ABCA5: variants seen among roughly 807,000 people sequenced by gnomAD.
ABCA5 encodes the protein cholesterol transporter ABCA5.
A neutral mutation model predicts 206.0 loss-of-function variants in ABCA5; 163 were observed. The observed-to-expected ratio is 0.79, with a 90% CI of 0.70 to 0.90. The LOEUF is 0.90. ABCA5 is among the 40% of genes least tolerant of loss of function. The pLI is 0.00. For synonymous variants in ABCA5, 609 were observed against 613.8 expected, an observed-to-expected ratio of 0.99 and a Z score of 0.11; for missense variants, 1,859 against 1,912.9, an observed-to-expected ratio of 0.97 and a Z score of 0.53.
Position 69,255,647 on chromosome 17 carries a change from A to G in ABCA5, c.3977-13T>C, listed in dbSNP as rs1276111761. 6.4e-7 allele frequency: 1 copy of G among 1,574,794 alleles called. No homozygotes were observed. The highest frequency in any genetic ancestry group is 1.2e-5 in the South Asian group (1 of 83,714). ...CCTAAGATCTCTCCTAAAGGAATTG[A>G]AAGAAAAAAAAATCATAATCAAATC... On this transcript the variant is annotated splice_polypyrimidine_tract_variant and intron_variant, in intron 30 of 38. Transcript: ENST00000392676.
intron 28 of ABCA5, among the ~76,000 whole-genome samples, chr17:69,259,249 C>T (rs1401998039): frequency 6.6e-6 from 1 of 151,882 alleles, no homozygotes; most frequent in Non-Finnish European, 1.5e-5. Context: ...CATGATAAGC[C>T]CTCCAAACAT....
At chr17:69,314,470 C>T (rs963202332) in intron 1 of ABCA5, 40 bp from the exon 2 acceptor site, 41 of 1,243,884 alleles carry the variant, frequency 3.3e-5, no homozygotes, top group East Asian at 2.2e-4. Flanking sequence ...CCCGGAGCCA[C>T]GCAGTAAACT....
At chr17:69,310,236 A>G (rs1353438576) in intron 3 of ABCA5, among the ~76,000 whole-genome samples, 2 of 152,082 alleles carry the variant, frequency 1.3e-5, no homozygotes, top group African/African-American at 4.8e-5. Context: ...AGGGGTCAAG[A>G]GATCCTCCCA....
At chr17:69,318,744 T>C in intron 1 of ABCA5, 1 of 641,798 alleles carries the variant, frequency 1.6e-6, no homozygotes, top group Non-Finnish European at 2.9e-6. Context: ...TGAGCAAAGC[T>C]TACACTCCCG....
Position 69,247,427 on chromosome 17 carries a change from A to C in ABCA5, c.*110T>G. ...AATTAAGGAGCTTAGAAAAATTTCA[A>C]GTGCGTTCTTGGTTCTCCAGTTACC... On this transcript the variant is annotated 3_prime_UTR_variant, in exon 39 of 39. Coordinates refer to ENST00000392676, the MANE Select transcript of ABCA5 (RefSeq NM_172232.4). The C allele has an allele frequency of 1.5e-6, 1 of 669,386 alleles. No individual in the cohort carries two copies. The highest frequency in any genetic ancestry group is 1.8e-5 in the African/African-American group (1 of 54,064). The allele number at this position is 669,386 out of a possible 1,614,324, so 41.5% of individuals were successfully genotyped here.
chr17:69,272,204 C>T (rs572397043), intron 20 of ABCA5, among the ~76,000 whole-genome samples: 1 of 152,066 alleles, frequency 6.6e-6, no homozygotes, highest in Non-Finnish European at 1.5e-5. Context: ...CTCTAACTTG[C>T]AAGACCAGCT....
chr17:69,270,724 G>A lies in ABCA5; in HGVS notation c.2919C>T (p.Asn973=). The A allele has an allele frequency of 1.9e-6, 3 of 1,557,892 alleles. No individual in the cohort carries two copies. Among genetic ancestry groups the A allele is most frequent in the Non-Finnish European group, 2.6e-6 (3 of 1,158,022 alleles). ...EKDYVFAAVF[N]STMVYSLPIL... is the part of the protein sequence containing the mutation. ...TAGGTAAAGAATAAACCATAGTACTGTTGAAAACAGCTGCAAAAACATAGT... is the reference window on the plus strand; with the variant it reads ...TAGGTAAAGAATAAACCATAGTACTATTGAAAACAGCTGCAAAAACATAGT... Residue 973 remains asparagine, a synonymous_variant, in exon 22 of 39, where the codon AAC becomes AAT. Coordinates refer to ENST00000392676, the MANE Select transcript of ABCA5 (RefSeq NM_172232.4).
At chr17:69,305,837 C>A (rs1032955859) in intron 6 of ABCA5, among the ~76,000 whole-genome samples, 2 of 152,154 alleles carry the variant, frequency 1.3e-5, no homozygotes, top group Non-Finnish European at 2.9e-5. Flanking sequence ...TGCCACTATA[C>A]TCCAGCCTAG....
intron 37 of ABCA5, chr17:69,249,659 T>C (rs910958162): frequency 8.2e-5 from 36 of 441,184 alleles, no homozygotes; most frequent in Non-Finnish European, 1.4e-4. Context: ...AAAATCCCTA[T>C]GACATTAGTG....
intron 32 of ABCA5, 31 bp from the exon 33 acceptor site, chr17:69,253,900 C>T (rs1402839099): frequency 3.9e-6 from 6 of 1,534,594 alleles, no homozygotes; most frequent in Non-Finnish European, 4.5e-6. Flanking sequence ...AATGAGAATA[C>T]CATGATATAT....
At chr17:69,293,886 T>TTG (rs146280717) in intron 11 of ABCA5, among the ~76,000 whole-genome samples, 150 of 64,842 alleles carry the variant, frequency 2.3e-3, no homozygotes, top group Middle Eastern at 0.01. Context: ...GTGTGTGTGT[T>TTG]TGTGTGTGTG....
chr17:69,304,202 C>T (rs2075691989), intron 7 of ABCA5: 1 of 152,008 alleles, frequency 6.6e-6, no homozygotes, highest in Admixed American at 6.6e-5. Flanking sequence ...GAAGATGGAA[C>T]CACTTAAAAC....
In ABCA5 at chr17:69,247,153, G is replaced by A. The variant is rs2074960430; in HGVS notation, c.*384C>T. On this transcript the variant is annotated 3_prime_UTR_variant, in exon 39 of 39. Transcript: ENST00000392676. ...TTTTCTATGCATTAGTTATGAATTA[G>A]TTTTTTATTTAGATTGGAACATTAC... 6.5e-6 allele frequency: 1 copy of A among 153,458 alleles called. No individual in the cohort carries two copies. The highest frequency in any genetic ancestry group is 2.4e-5 in the African/African-American group (1 of 41,440). 9.5% of individuals were successfully genotyped at this position (153,458 alleles called of 1,614,324 possible).
At chr17:69,249,494 G>T in intron 37 of ABCA5, 1 of 168,980 alleles carries the variant, frequency 5.9e-6, no homozygotes, top group East Asian at 1.6e-4. Context: ...GGACCAGTAT[G>T]AAGTAAGGAT....
chr17:69,300,270 C>G (rs476677), intron 9 of ABCA5, among the ~76,000 whole-genome samples: 47,365 of 151,926 alleles, frequency 0.31, 7,954 homozygotes, highest in East Asian at 0.56. Context: ...GTTCATACTC[C>G]TATGAGAATT....
rs1463257759 is a variant in ABCA5 at position 69,247,656 on chromosome 17, G to C, written c.4822-12C>G. 4.0e-6 allele frequency: 6 copies of C among 1,493,968 alleles called. No individual in the cohort carries two copies. Among genetic ancestry groups the C allele is most frequent in the South Asian group, 1.2e-5 (1 of 86,104 alleles). 92.5% of individuals were successfully genotyped at this position (1,493,968 alleles called of 1,614,324 possible). ...AGTTCTACAAAAACCTAGGTGAAAA[G>C]AAATAAATGAATACAGTATGCTGTA... On this transcript the variant is annotated splice_polypyrimidine_tract_variant and intron_variant, in intron 38 of 38. Transcript: ENST00000392676.
At chr17:69,264,355 G>C (rs1262733364) in intron 24 of ABCA5, among the ~76,000 whole-genome samples, 1 of 152,058 alleles carries the variant, frequency 6.6e-6, no homozygotes, top group African/African-American at 2.4e-5. Flanking sequence ...TATTGAGATA[G>C]AGAAATGTTA....
intron 17 of ABCA5, chr17:69,285,379 T>C (rs2075439543): frequency 6.6e-6 from 1 of 152,256 alleles, no homozygotes; most frequent in African/African-American, 2.4e-5. Flanking sequence ...TTCTGCACAA[T>C]GTACTTACAT....
At chr17:69,313,345 A>C in intron 2 of ABCA5, 49 bp from the exon 3 acceptor site, 1 of 871,722 alleles carries the variant, frequency 1.1e-6, no homozygotes, top group Non-Finnish European at 1.7e-6. Flanking sequence ...ATGGCAGCAA[A>C]AATCATCAAG....
Sources: gnomAD v4.1 joint callset for allele counts (sites outside exome capture counted in the v4.1 genomes callset) on GRCh38, gnomAD v4.1.1 for gene constraint, MANE v1.5 for transcripts, NCBI Gene and HGNC (gene_info 2026-07-23, HGNC 2026-07-21) for gene names.